SPAG16: variants seen among roughly 807,000 people sequenced by gnomAD.
SPAG16 encodes the protein sperm associated antigen 16.
SPAG16 carries 86 observed loss-of-function variants against 80.4 expected under a neutral mutation model. The observed-to-expected ratio is 1.07, with a 90% CI of 0.90 to 1.28. SPAG16 has a LOEUF of 1.28. Ranked by LOEUF, SPAG16 falls within the 50% of genes most tolerant of loss-of-function variation. The probability of loss-of-function intolerance (pLI) is 0.00; values close to 1 mark genes in which losing one functional copy is unlikely to be tolerated. For missense variants in SPAG16, 870 were observed against 765.3 expected (o/e 1.14, Z -1.61); for synonymous variants, 294 against 265.9 (o/e 1.11, Z -1.03).
intron 9 of SPAG16, among the ~76,000 whole-genome samples, chr2:213,378,753 G>C (rs895623709): frequency 6.6e-6 from 1 of 152,192 alleles, no homozygotes; most frequent in Non-Finnish European, 1.5e-5. Context: ...TACCTCAGCA[G>C]GTTGTGGATT....
At chr2:213,371,102 A>G (rs11696036) in intron 8 of SPAG16, among the ~76,000 whole-genome samples, 39,704 of 151,992 alleles carry the variant, frequency 0.26, 5,977 homozygotes, top group Middle Eastern at 0.44. Context: ...TTGGTATCCT[A>G]CTTAGGGACT....
chr2:214,250,334 A>C (rs1690160528), intron 15 of SPAG16, among the ~76,000 whole-genome samples: 1 of 152,026 alleles, frequency 6.6e-6, no homozygotes, highest in Admixed American at 6.6e-5. Flanking sequence ...CAATGTGTAA[A>C]TAGAAATCAT....
chr2:214,307,420 T>C (rs1363056376), intron 15 of SPAG16, among the ~76,000 whole-genome samples: 1 of 152,162 alleles, frequency 6.6e-6, no homozygotes, highest in African/African-American at 2.4e-5. Context: ...TTCTTTCTTG[T>C]CTTCAGCTAG....
intron 15 of SPAG16, among the ~76,000 whole-genome samples, chr2:214,392,578 C>A (rs1422670877): frequency 6.6e-6 from 1 of 151,782 alleles, no homozygotes; most frequent in African/African-American, 2.4e-5. Flanking sequence ...TCATCAAAAT[C>A]ATCAAAATGA....
At chr2:213,326,182 TA>T (rs1306828024) in intron 5 of SPAG16, among the ~76,000 whole-genome samples, 2 of 151,978 alleles carry the variant, frequency 1.3e-5, no homozygotes, top group Non-Finnish European at 2.9e-5. Flanking sequence ...AACTGCCATT[TA>T]AAAAATAATG....
At chr2:213,587,254 CTT>C (rs2060505541) in intron 10 of SPAG16, among the ~76,000 whole-genome samples, 1 of 152,180 alleles carries the variant, frequency 6.6e-6, no homozygotes. Context: ...ATTCCCACAA[CTT>C]TGCTGGGTAC....
At chr2:214,340,032 G>A (rs751258282) in intron 15 of SPAG16, among the ~76,000 whole-genome samples, 30 of 152,172 alleles carry the variant, frequency 2.0e-4, no homozygotes, top group Non-Finnish European at 3.7e-4. Context: ...TGTGTTACCT[G>A]AAGTTGCTAA....
intron 9 of SPAG16, among the ~76,000 whole-genome samples, chr2:213,455,129 A>G (rs750062773): frequency 6.6e-6 from 1 of 152,184 alleles, no homozygotes; most frequent in Non-Finnish European, 1.5e-5. Flanking sequence ...TCAGAGTTTG[A>G]CTTTTTATTC....
At chr2:214,040,437 C>T (rs1189832599) in intron 13 of SPAG16, among the ~76,000 whole-genome samples, 1 of 152,160 alleles carries the variant, frequency 6.6e-6, no homozygotes, top group African/African-American at 2.4e-5. Context: ...TCTCTCCACT[C>T]CCACCCTTTA....
At chr2:213,354,942 C>G (rs28876412) in intron 7 of SPAG16, among the ~76,000 whole-genome samples, 1 of 152,102 alleles carries the variant, frequency 6.6e-6, no homozygotes, top group Admixed American at 6.5e-5. Flanking sequence ...TTTGCCCATG[C>G]CTATGTCCTA....
At chr2:214,230,326 CAAAAATGCTCATTTCTAGAAAAACCAAAG>C (rs1688602296) in intron 15 of SPAG16, among the ~76,000 whole-genome samples, 1 of 151,826 alleles carries the variant, frequency 6.6e-6, no homozygotes, top group Non-Finnish European at 1.5e-5. Flanking sequence ...TGTGAGTCCA[CAAAAATGCTCATTTCTAGAAAAACCAAAG>C]AATACATTGA....
At chr2:213,528,336 A>T (rs2125874793) in intron 10 of SPAG16, among the ~76,000 whole-genome samples, 1 of 152,280 alleles carries the variant, frequency 6.6e-6, no homozygotes, top group South Asian at 2.1e-4. Context: ...GTAAAGTTTG[A>T]TGTTGTAAAT....
chr2:213,718,358 C>T (rs1302540840), intron 10 of SPAG16, among the ~76,000 whole-genome samples: 1 of 152,004 alleles, frequency 6.6e-6, no homozygotes, highest in East Asian at 1.9e-4. Context: ...TTGCTCTCGG[C>T]ACCCCCCCTG....
intron 10 of SPAG16, among the ~76,000 whole-genome samples, chr2:213,816,797 T>G (rs2072568207): frequency 6.6e-6 from 1 of 152,118 alleles, no homozygotes; most frequent in Admixed American, 6.6e-5. Flanking sequence ...CATAATTTCA[T>G]ATTTTATTCC....
chr2:213,956,345 G>GCTTAGTTTGTTCTTATAGTTC (rs976617289), intron 12 of SPAG16, among the ~76,000 whole-genome samples: 3 of 151,504 alleles, frequency 2.0e-5, no homozygotes, highest in African/African-American at 7.3e-5. Flanking sequence ...TTAGATTTAG[G>GCTTAGTTTGTTCTTATAGTTC]CTTAGTTTGT....
intron 15 of SPAG16, among the ~76,000 whole-genome samples, chr2:214,209,881 G>A (rs1234326826): frequency 6.6e-6 from 1 of 152,082 alleles, no homozygotes; most frequent in Non-Finnish European, 1.5e-5. Flanking sequence ...TGGAAATGGA[G>A]ATAACCTCAG....
intron 10 of SPAG16, among the ~76,000 whole-genome samples, chr2:213,849,811 T>C (rs2074814088): frequency 6.6e-6 from 1 of 152,196 alleles, no homozygotes; most frequent in African/African-American, 2.4e-5. Context: ...AGATATGAAA[T>C]GGAACATTTT....
intron 10 of SPAG16, among the ~76,000 whole-genome samples, chr2:213,855,237 G>C (rs1575363506): frequency 6.6e-6 from 1 of 152,180 alleles, no homozygotes; most frequent in Non-Finnish European, 1.5e-5. Flanking sequence ...AAGTACCCTA[G>C]ACACACATAA....
intron 15 of SPAG16, among the ~76,000 whole-genome samples, chr2:214,301,635 T>C (rs1223304442): frequency 6.6e-6 from 1 of 152,194 alleles, no homozygotes; most frequent in Non-Finnish European, 1.5e-5. Flanking sequence ...ATGTCACCTT[T>C]ATCATTTCTG....
Sources: gnomAD v4.1 joint callset for allele counts (sites outside exome capture counted in the v4.1 genomes callset) on GRCh38, gnomAD v4.1.1 for gene constraint, MANE v1.5 for transcripts, NCBI Gene and HGNC (gene_info 2026-07-23, HGNC 2026-07-21) for gene names.